The following MMP20 variants were observed in gnomAD, a reference collection of about 807,000 sequenced individuals.
MMP20 encodes matrix metallopeptidase 20.
MMP20 carries 50 observed loss-of-function variants against 51.8 expected under a neutral mutation model. That is an observed-to-expected ratio of 0.97 (90% CI 0.77 to 1.22). MMP20 has a LOEUF of 1.22. Ranked by LOEUF, MMP20 falls within the 50% of genes most tolerant of loss-of-function variation. The probability of loss-of-function intolerance (pLI) is 0.00; values close to 1 mark genes in which losing one functional copy is unlikely to be tolerated. For synonymous variants in MMP20, 244 were observed against 216.2 expected, an observed-to-expected ratio of 1.13 and a Z score of -1.13; for missense variants, 663 against 601.4, an observed-to-expected ratio of 1.10 and a Z score of -1.07.
chr11:102,606,722 G>A (rs1303151938), intron 5 of MMP20, 46 bp from the exon 6 acceptor site: 2 of 1,608,042 alleles, frequency 1.2e-6, no homozygotes, highest in Non-Finnish European at 8.5e-7. Flanking sequence ...GGAATTTGGA[G>A]TTCACACACT....
In MMP20 at chr11:102,606,669, C is replaced by T. The variant is rs1859522187; in HGVS notation, c.819G>A (p.Arg273=). 1 of 1,613,984 alleles carries T rather than the reference C, an allele frequency of 6.2e-7. No individual in the cohort carries two copies. The highest frequency in any genetic ancestry group is 1.1e-5 in the South Asian group (1 of 91,072). ...VKGIQALYGP[R]KVFLGKPTLP... ...GAGTGGGCTTCCCCAGGAATACTTT[C>T]CGAGGTCCTAGGATTCAAAATGAGT... Residue 273 remains arginine (R), a synonymous_variant, in exon 6 of 10, where the codon CGG becomes CGA. Coordinates refer to ENST00000260228, the MANE Select transcript of MMP20 (RefSeq NM_004771.4).
rs17098880 is a variant in MMP20, at chr11:102,607,235, C to T, written c.812-559G>A. 861 of 167,808 alleles carry T rather than the reference C, an allele frequency of 5.1e-3. 7 individuals carry two copies. Among genetic ancestry groups the T allele is most frequent in the African/African-American group, 0.02 (818 of 41,638 alleles). The allele number at this position is 167,808 out of a possible 1,614,324, so 10.4% of individuals were successfully genotyped here. A position where few individuals can be genotyped will look rare whatever the true frequency, so the allele number is the denominator to read the frequency against. ...AAAAACTGAGCGAGTTCTTGTGAAA[C>T]TGAAGTACACTGAAGGTGTTTGCTA... On this transcript the variant is annotated intron_variant, in intron 5 of 9. Coordinates refer to ENST00000260228, the MANE Select transcript of MMP20 (RefSeq NM_004771.4).
chr11:102,610,165 T>C (rs573081722), intron 3 of MMP20, 135 bp from the exon 4 acceptor site: 373 of 1,030,280 alleles, frequency 3.6e-4, no homozygotes, highest in Non-Finnish European at 5.0e-4. Context: ...TTTGTTATAA[T>C]GGGAAGTTCA....
At chr11:102,591,664 C>T (rs377252937) in intron 8 of MMP20, among the ~76,000 whole-genome samples, 22 of 152,276 alleles carry the variant, frequency 1.4e-4, no homozygotes, top group South Asian at 8.3e-4. Flanking sequence ...ACCAACTTTT[C>T]GGTGAATCTA....
chr11:102,625,014 C>T lies in MMP20; in HGVS notation c.126+180G>A, dbSNP rs2509023. Among the ~76,000 whole-genome samples, 112,678 of 152,128 alleles carry T rather than the reference C, an allele frequency of 0.74. 42,047 individuals carry two copies. Among genetic ancestry groups the T allele is most frequent in the East Asian group, 0.92 (4,762 of 5,190 alleles). ...ATTTATTCAGTCATGTAACATGGTA[C>T]ACCTAATATGCACCAGACACCAATC... is the stretch of plus-strand genomic sequence containing the variant. On this transcript the variant is annotated intron_variant, in intron 1 of 9. Transcript: ENST00000260228.
At chr11:102,606,436 T>G (rs991166943) in intron 6 of MMP20, 99 bp downstream of exon 6, 2 of 1,490,540 alleles carry the variant, frequency 1.3e-6, no homozygotes, top group Admixed American at 1.8e-5. Flanking sequence ...CATTTCTGCA[T>G]GATCTTCATA....
chr11:102,593,673 G>A, intron 7 of MMP20, 78 bp from the exon 8 acceptor site: 1 of 1,495,510 alleles, frequency 6.7e-7, no homozygotes, highest in Non-Finnish European at 9.3e-7. Context: ...TTCTATGAAG[G>A]CTCTTAAATG....
intron 1 of MMP20, among the ~76,000 whole-genome samples, chr11:102,619,602 TAAAC>T (rs952145387): frequency 8.5e-5 from 13 of 152,082 alleles, no homozygotes; most frequent in Admixed American, 5.9e-4. Flanking sequence ...AAATCCATGA[TAAAC>T]AAAATTTCAA....
At chr11:102,591,878 A>C (rs1432429152) in intron 8 of MMP20, among the ~76,000 whole-genome samples, 1 of 152,176 alleles carries the variant, frequency 6.6e-6, no homozygotes, top group African/African-American at 2.4e-5. Flanking sequence ...GCCTGGCTGA[A>C]GGTATATGCT....
rs17099053 is a variant in MMP20, at chr11:102,616,139, A to G, written c.374+673T>C. Among the ~76,000 whole-genome samples the G allele has an allele frequency of 6.7e-3, 1,023 of 152,208 alleles. 16 individuals are homozygous for G. The highest frequency in any genetic ancestry group is 0.023 in the African/African-American group (975 of 41,532). On this transcript the variant is annotated intron_variant, in intron 2 of 9. Coordinates refer to ENST00000260228, the MANE Select transcript of MMP20 (RefSeq NM_004771.4). ...GGGGAGGGAAGAAAGAGGGCAGGGA[A>G]GGAGTGAGGGGAGCTTGGGGCTAAG...
intron 8 of MMP20, among the ~76,000 whole-genome samples, chr11:102,593,012 A>G (rs1057022559): frequency 2.0e-5 from 3 of 152,228 alleles, no homozygotes; most frequent in Non-Finnish European, 4.4e-5. Context: ...CAGCAGAACT[A>G]TCCTTCAAAG....
At chr11:102,586,136 T>G (rs1859252023) in intron 8 of MMP20, among the ~76,000 whole-genome samples, 1 of 152,196 alleles carries the variant, frequency 6.6e-6, no homozygotes, top group Non-Finnish European at 1.5e-5. Context: ...TGTTTTCCAC[T>G]CTTCTATGTT....
At chr11:102,625,103 A>G (rs184380133) in intron 1 of MMP20, 91 bp downstream of exon 1, 192 of 1,517,646 alleles carry the variant, frequency 1.3e-4, no homozygotes, top group Middle Eastern at 2.2e-4. Flanking sequence ...TTTTAAAAGA[A>G]CAATAGAATT....
chr11:102,625,327 C>A lies in MMP20; in HGVS notation c.-8G>T. ...TGCAGGGAGCACCTTCATCCCCTCA[C>A]AGTAGCTTGGTAATTATATCAGCCT... is the stretch of plus-strand genomic sequence containing the variant. On this transcript the variant is annotated 5_prime_UTR_variant, in exon 1 of 10. Transcript: ENST00000260228. 6.2e-7 allele frequency: 1 copy of A among 1,612,814 alleles called. No individual in the cohort carries two copies. The highest frequency in any genetic ancestry group is 8.5e-7 in the Non-Finnish European group (1 of 1,179,326).
At chr11:102,606,774 G>A in intron 5 of MMP20, 98 bp from the exon 6 acceptor site, 28 of 1,398,044 alleles carry the variant, frequency 2.0e-5, no homozygotes, top group Non-Finnish European at 2.6e-5. Context: ...CTTTCACGCT[G>A]GACATGTGAT....
chr11:102,578,651 G>A (rs372053742), intron 9 of MMP20, among the ~76,000 whole-genome samples: 7 of 152,116 alleles, frequency 4.6e-5, no homozygotes, highest in Non-Finnish European at 8.8e-5. Flanking sequence ...TAGGAGAATC[G>A]CTCGAATCTG....
In MMP20 at chr11:102,609,057, C is replaced by T. The variant is rs1859558787; in HGVS notation, c.691G>A (p.Ala231Thr). 1 of 1,614,030 alleles carries T rather than the reference C, an allele frequency of 6.2e-7. No individual in the cohort carries two copies. Among genetic ancestry groups the T allele is most frequent in the Admixed American group, 1.7e-5 (1 of 60,000 alleles). Reference protein sequence around the residue: ...FTVAAHEFGHALGLAHSTDPS... With the variant: ...FTVAAHEFGHTLGLAHSTDPS... Reference sequence around the variant, plus strand: ...TCTGTGGAATGGGCCAGGCCCAGGGCATGGCCAAATTCATGAGCAGCAACG... The same window carrying T: ...TCTGTGGAATGGGCCAGGCCCAGGGTATGGCCAAATTCATGAGCAGCAACG... Residue 231 changes from alanine (A) to threonine (T), a missense_variant, in exon 5 of 10, where the codon GCC becomes ACC. Coordinates refer to ENST00000260228, the MANE Select transcript of MMP20 (RefSeq NM_004771.4).
chr11:102,592,631 C>T (rs935472370), intron 8 of MMP20, among the ~76,000 whole-genome samples: 2 of 152,116 alleles, frequency 1.3e-5, no homozygotes, highest in Non-Finnish European at 2.9e-5. Context: ...TCTTCAAGAC[C>T]CTTTCATGAG....
At chr11:102,580,734 A>T (rs572828997) in intron 8 of MMP20, among the ~76,000 whole-genome samples, 1 of 152,354 alleles carries the variant, frequency 6.6e-6, no homozygotes, top group African/African-American at 2.4e-5. Context: ...GAACATTACC[A>T]TTTAACCATC....
Sources: gnomAD v4.1 joint callset for allele counts (sites outside exome capture counted in the v4.1 genomes callset) on GRCh38, gnomAD v4.1.1 for gene constraint, MANE v1.5 for transcripts, NCBI Gene and HGNC (gene_info 2026-07-23, HGNC 2026-07-21) for gene names.